The following EYS variants were observed in gnomAD, a reference collection of about 807,000 sequenced individuals.
The protein encoded by EYS is protein eyes shut homolog.
Under a neutral mutation model 282.1 loss-of-function variants are expected in EYS, and 250 were observed. The observed-to-expected ratio is 0.89, with a 90% CI of 0.80 to 0.98. EYS has a LOEUF of 0.98. Among genes scored for constraint, EYS ranks in the 50% least tolerant of loss-of-function variants. EYS has a pLI of 0.00. For synonymous variants in EYS, 1,355 were observed against 1,282.9 expected (o/e 1.06, Z -1.20); for missense variants, 4,016 against 3,709.0 (o/e 1.08, Z -2.15).
chr6:63,872,336 G>A (rs116406290), intron 35 of EYS, among the ~76,000 whole-genome samples: 33 of 152,038 alleles, frequency 2.2e-4, no homozygotes, highest in African/African-American at 7.5e-4. Flanking sequence ...GTGCACAAGT[G>A]TGTAGGTATG....
At chr6:64,093,571 A>C (rs906186724) in intron 31 of EYS, among the ~76,000 whole-genome samples, 5 of 152,156 alleles carry the variant, frequency 3.3e-5, no homozygotes, top group Non-Finnish European at 4.4e-5. Flanking sequence ...TTGTTGGTGT[A>C]TAAGAATGCT....
intron 22 of EYS, among the ~76,000 whole-genome samples, chr6:64,795,328 A>C (rs1348742014): frequency 5.6e-5 from 8 of 143,780 alleles, no homozygotes; most frequent in African/African-American, 2.0e-4. Context: ...AGCAAATATC[A>C]TTGAAGAAAC....
intron 2 of EYS, among the ~76,000 whole-genome samples, chr6:65,593,025 T>A (rs1207164664): frequency 6.6e-6 from 1 of 151,944 alleles, no homozygotes; most frequent in African/African-American, 2.4e-5. Flanking sequence ...AATATGTAAA[T>A]AAATCACTAA....
In EYS at chr6:64,408,026, C is replaced by T. The variant is rs183438840; in HGVS notation, c.5928-19186G>A. On this transcript the variant is annotated intron_variant, in intron 28 of 42. Transcript: ENST00000503581. ...ACACGCATGAGCCACGGCGTCCAGC[C>T]GCACACATTATTTTTTTTTAAAAGG... 2.8e-4 allele frequency among the ~76,000 whole-genome samples: 42 copies of T among 152,138 alleles called. 1 individual carries two copies. The highest frequency in any genetic ancestry group is 2.1e-3 in the Admixed American group (32 of 15,268).
intron 13 of EYS, among the ~76,000 whole-genome samples, chr6:65,033,017 C>T (rs1772652377): frequency 2.6e-5 from 4 of 152,196 alleles, no homozygotes; most frequent in Admixed American, 2.6e-4. Flanking sequence ...TGTGTTATGC[C>T]CTAGCAAAGA....
intron 29 of EYS, among the ~76,000 whole-genome samples, chr6:64,366,108 A>T (rs899563821): frequency 7.2e-5 from 11 of 151,918 alleles, no homozygotes; most frequent in South Asian, 6.2e-4. Context: ...TCCTACATTA[A>T]TTTTTTCAGG....
chr6:63,947,615 C>T (rs896084053), intron 35 of EYS, among the ~76,000 whole-genome samples: 9 of 152,040 alleles, frequency 5.9e-5, no homozygotes, highest in Non-Finnish European at 1.0e-4. Context: ...AGATGTTATT[C>T]GAAGCACTAA....
chr6:64,802,033 CTTT>C (rs70999173), intron 22 of EYS, among the ~76,000 whole-genome samples: 3 of 112,672 alleles, frequency 2.7e-5, no homozygotes, highest in African/African-American at 9.9e-5. Context: ...CTTTTTTTTT[CTTT>C]TTTTTTTTTT....
chr6:65,664,206 A>T (rs1436952827), intron 1 of EYS, among the ~76,000 whole-genome samples: 2 of 152,066 alleles, frequency 1.3e-5, no homozygotes, highest in Non-Finnish European at 2.9e-5. Flanking sequence ...AATTAGAAAA[A>T]CAGAATAATA....
chr6:64,318,306 C>T (rs1770060511), intron 29 of EYS, among the ~76,000 whole-genome samples: 1 of 151,968 alleles, frequency 6.6e-6, no homozygotes, highest in South Asian at 2.1e-4. Context: ...CTCTCTCTGG[C>T]ATTTGATGGC....
intron 35 of EYS, among the ~76,000 whole-genome samples, chr6:63,921,666 C>A (rs1450188297): frequency 1.3e-5 from 2 of 152,116 alleles, no homozygotes; most frequent in Non-Finnish European, 2.9e-5. Flanking sequence ...ACCAAGTATT[C>A]CTCACAGGGA....
intron 5 of EYS, among the ~76,000 whole-genome samples, chr6:65,407,584 C>CA (rs1766805916): frequency 6.6e-6 from 1 of 151,998 alleles, no homozygotes; most frequent in Non-Finnish European, 1.5e-5. Context: ...TACAGAAAGG[C>CA]AAATTACTTG....
chr6:64,370,990 A>T (rs768701112), intron 29 of EYS, among the ~76,000 whole-genome samples: 6 of 151,898 alleles, frequency 4.0e-5, no homozygotes, highest in Non-Finnish European at 8.8e-5. Context: ...TTGATCCTTT[A>T]TGGTTTTTTG....
At chr6:64,811,548 G>A (rs562335256) in intron 22 of EYS, among the ~76,000 whole-genome samples, 2 of 152,252 alleles carry the variant, frequency 1.3e-5, no homozygotes, top group Admixed American at 6.5e-5. Context: ...GTGCAGCAAT[G>A]TTGGGAGGTG....
intron 29 of EYS, among the ~76,000 whole-genome samples, chr6:64,360,937 A>G (rs1169826053): frequency 6.6e-6 from 1 of 151,710 alleles, no homozygotes; most frequent in East Asian, 2.0e-4. Flanking sequence ...GCAAACAAAA[A>G]AGAAGCTTAG....
rs1770300416 is a variant in EYS, at chr6:65,344,059, G to C, written c.1578C>G (p.Phe526Leu). The C allele has an allele frequency of 3.1e-6, 5 of 1,610,446 alleles. No individual in the cohort carries two copies. The highest frequency in any genetic ancestry group is 4.2e-6 in the Non-Finnish European group (5 of 1,177,880). ...TTACCTCTTTTGTGCCTTCATGTGG[G>C]AACCAACATGAAGAATTATTATCTT... ...DPEDNNSSCW[F>L]PHEGTKEICA... Residue 526 changes from phenylalanine to leucine, a missense_variant, in exon 10 of 43, where the codon TTC (phenylalanine) becomes TTG (leucine). Transcript: ENST00000503581.
intron 8 of EYS, among the ~76,000 whole-genome samples, chr6:65,356,096 CTAGA>C (rs1177352781): frequency 6.6e-6 from 1 of 151,896 alleles, no homozygotes; most frequent in Non-Finnish European, 1.5e-5. Flanking sequence ...CAATTGATGA[CTAGA>C]TAAAGAAAAT....
chr6:65,394,299 T>G (rs1766179534), intron 7 of EYS, among the ~76,000 whole-genome samples: 1 of 152,014 alleles, frequency 6.6e-6, no homozygotes, highest in Admixed American at 6.6e-5. Flanking sequence ...TCAAAGCCAT[T>G]AAGTGATTTT....
chr6:64,812,050 T>G (rs1405462787), intron 22 of EYS, among the ~76,000 whole-genome samples: 1 of 152,116 alleles, frequency 6.6e-6, no homozygotes, highest in African/African-American at 2.4e-5. Flanking sequence ...CAATTTATGA[T>G]TAATGACTTA....
Sources: allele counts gnomAD v4.1 joint callset (sites outside exome capture counted in the v4.1 genomes callset), GRCh38; gene constraint gnomAD v4.1.1; transcripts MANE v1.5; gene names NCBI Gene and HGNC (gene_info 2026-07-23, HGNC 2026-07-21).